COLGALT1: variants seen among roughly 807,000 people sequenced by gnomAD.
COLGALT1 encodes collagen beta(1-O)galactosyltransferase 1.
A neutral mutation model predicts 60.8 loss-of-function variants in COLGALT1; 43 were observed. That is an observed-to-expected ratio of 0.71 (90% CI 0.55 to 0.91). COLGALT1 has a LOEUF of 0.91. COLGALT1 is among the 40% of genes least tolerant of loss of function. The pLI is 0.00. For synonymous variants in COLGALT1, 369 were observed against 374.2 expected, an observed-to-expected ratio of 0.99 and a Z score of 0.16; for missense variants, 845 against 880.0, an observed-to-expected ratio of 0.96 and a Z score of 0.50.
chr19:17,568,614 A>C lies in COLGALT1; in HGVS notation c.730A>C (p.Lys244Gln). 6.2e-7 allele frequency: 1 copy of C among 1,614,164 alleles called. No homozygotes were observed. The highest frequency in any genetic ancestry group is 8.5e-7 in the Non-Finnish European group (1 of 1,180,024). ...VHSTFLIDLR[K>Q]AASRNLAFYP... is the part of the protein sequence containing the mutation. Reference sequence around the variant, plus strand: ...CTCGACCTTCCTGATCGACCTGCGGAAGGCGGCGTCCAGGAACCTGGCCTT... The same window carrying C: ...CTCGACCTTCCTGATCGACCTGCGGCAGGCGGCGTCCAGGAACCTGGCCTT... The change falls in exon 5 of 12, where the codon AAG becomes CAG. Residue 244 changes from lysine to glutamine, a missense_variant. Transcript: ENST00000252599.
chr19:17,580,230 C>G lies in COLGALT1; in HGVS notation c.1395-469C>G. 1.4e-5 allele frequency: 3 copies of G among 213,446 alleles called. No individual in the cohort carries two copies. In the Admixed American group the frequency reaches 1.6e-4, roughly 11 times the overall value. 13.2% of individuals were successfully genotyped at this position (213,446 alleles called of 1,614,324 possible). ...AACATGTTTCCAGCACTGGAGCCGT[C>G]CTTCTCTTCTGTAAGTGGGCTGGTT... On this transcript the variant is annotated intron_variant, in intron 10 of 11. Transcript: ENST00000252599.
At chr19:17,579,854 A>G in intron 10 of COLGALT1, 1 of 531,150 alleles carries the variant, frequency 1.9e-6, no homozygotes, top group Admixed American at 3.1e-5. Flanking sequence ...TAGAGCCTGT[A>G]TGTCTGGGTG....
At chr19:17,558,480 G>C (rs62119890) in intron 1 of COLGALT1, among the ~76,000 whole-genome samples, 50,477 of 146,782 alleles carry the variant, frequency 0.34, 9,512 homozygotes, top group Non-Finnish European at 0.42. Context: ...GAGTTCGAGA[G>C]CAGCCTGGCC....
intron 3 of COLGALT1, among the ~76,000 whole-genome samples, chr19:17,562,470 C>G (rs2076254858): frequency 6.6e-6 from 1 of 152,090 alleles, no homozygotes; most frequent in South Asian, 2.1e-4. Flanking sequence ...TGAGACCAGC[C>G]TGGTCAACAT....
intron 10 of COLGALT1, chr19:17,579,893 TTGGAAGCG>T (rs2144849686): frequency 2.4e-6 from 1 of 424,668 alleles, no homozygotes; most frequent in South Asian, 3.6e-5. Flanking sequence ...TGGCCAACCC[TTGGAAGCG>T]TAGCAGGAGG....
In COLGALT1 at chr19:17,568,693, C is replaced by A. The variant is rs374143153; in HGVS notation, c.809C>A (p.Ala270Asp). ...TWSFDDIIVFAFSCKQAEVQM... is the reference protein window; with the variant it reads ...TWSFDDIIVFDFSCKQAEVQM... The stretch of plus-strand genomic sequence containing the variant: ...TCCTTTGACGACATCATCGTCTTTG[C>A]CTTCTCCTGCAAGCAGGCAGGTACG... Residue 270 changes from alanine (A) to aspartate (D), a missense_variant, in exon 5 of 12, where the codon GCC becomes GAC. Coordinates refer to ENST00000252599, the MANE Select transcript of COLGALT1 (RefSeq NM_024656.4). 1 of 1,614,048 alleles carries A rather than the reference C, an allele frequency of 6.2e-7. No individual in the cohort carries two copies. Among genetic ancestry groups the A allele is most frequent in the Admixed American group, 1.7e-5 (1 of 59,980 alleles).
chr19:17,565,854 G>T (rs752866237), intron 3 of COLGALT1, among the ~76,000 whole-genome samples: 1 of 152,172 alleles, frequency 6.6e-6, no homozygotes, highest in Non-Finnish European at 1.5e-5. Flanking sequence ...AACATCCAGA[G>T]GGACCGGATG....
At chr19:17,562,196 A>C (rs1184731796) in intron 3 of COLGALT1, among the ~76,000 whole-genome samples, 2 of 152,200 alleles carry the variant, frequency 1.3e-5, no homozygotes, top group Non-Finnish European at 2.9e-5. Context: ...AACAAACAAA[A>C]AGCAGAAAAG....
At position 17,581,575 on chromosome 19, in the gene COLGALT1, G is replaced by A. The variant is rs1216149974; in HGVS notation, c.*131G>A. ...TCTCGTGTGGGGTGGTGTCCAGCCA[G>A]CTCTTGCTAAGCAATCACGTGCACA... On this transcript the variant is annotated 3_prime_UTR_variant, in exon 12 of 12. Transcript: ENST00000252599. 1.5e-5 allele frequency: 19 copies of A among 1,234,914 alleles called. No homozygotes were observed. Among genetic ancestry groups the A allele is most frequent in the Admixed American group, 2.8e-5 (1 of 36,220 alleles). 76.5% of individuals were successfully genotyped at this position (1,234,914 alleles called of 1,614,324 possible).
rs935429759 is a variant in COLGALT1 at position 17,582,704 on chromosome 19, G to A, written c.*1260G>A. 6 of 152,202 alleles carry A rather than the reference G, an allele frequency of 3.9e-5. No individual in the cohort carries two copies. Among genetic ancestry groups the A allele is most frequent in the Non-Finnish European group, 7.3e-5 (5 of 68,054 alleles). The allele number at this position is 152,202 out of a possible 1,614,324, so 9.4% of individuals were successfully genotyped here. ...TGAGTTTGATTCTTCCTGTACCCTC[G>A]GTCGTCTGAGCTGTGTGCAGACAAC... is the stretch of plus-strand genomic sequence containing the variant. On this transcript the variant is annotated 3_prime_UTR_variant, in exon 12 of 12. Coordinates refer to ENST00000252599, the MANE Select transcript of COLGALT1 (RefSeq NM_024656.4).
At chr19:17,561,554 T>C (rs946849187) in intron 3 of COLGALT1, among the ~76,000 whole-genome samples, 1 of 148,730 alleles carries the variant, frequency 6.7e-6, no homozygotes, top group Non-Finnish European at 1.5e-5. Context: ...AGGGAACAGT[T>C]GAGTCTTTTT....
At chr19:17,571,421 A>T (rs117260955) in intron 5 of COLGALT1, among the ~76,000 whole-genome samples, 1,660 of 149,932 alleles carry the variant, frequency 0.011, 13 homozygotes, top group South Asian at 0.019. Flanking sequence ...AAAAATAAAT[A>T]AATTAAATTA....
Position 17,569,891 on chromosome 19 carries a change from C to CTTTTTTTTTTTTT in COLGALT1, c.829+1187_829+1199dup, listed in dbSNP as rs71162156. The stretch of plus-strand genomic sequence containing the variant: ...CAGGCCAAACCTGGCCCACTAATTA[C>CTTTTTTTTTTTTT]TTTTTTTTTTTTTTTTTTTTTGAGA... On this transcript the variant is annotated intron_variant, in intron 5 of 11. Coordinates refer to ENST00000252599, the MANE Select transcript of COLGALT1 (RefSeq NM_024656.4). 9.1e-5 allele frequency among the ~76,000 whole-genome samples: 9 copies of CTTTTTTTTTTTTT among 98,740 alleles called. 1 individual carries two copies. Among genetic ancestry groups the CTTTTTTTTTTTTT allele is most frequent in the Admixed American group, 2.9e-4 (2 of 6,828 alleles). The allele number at this position is 98,740 out of a possible 152,430, so 64.8% of individuals were successfully genotyped here.
At position 17,577,350 on chromosome 19, in the gene COLGALT1, C is replaced by T. The variant is rs773849854; in HGVS notation, c.1027-11C>T. On this transcript the variant is annotated splice_polypyrimidine_tract_variant and intron_variant, in intron 7 of 11. Transcript: ENST00000252599. Reference sequence around the variant, plus strand: ...AGGGGCTGATCTGGCTGGGGACTCTCCGGGCTGCAGGTCTTCATGATCAAC... The same window carrying T: ...AGGGGCTGATCTGGCTGGGGACTCTTCGGGCTGCAGGTCTTCATGATCAAC... The T allele has an allele frequency of 2.5e-6, 4 of 1,603,876 alleles. No individual in the cohort carries two copies. The highest frequency in any genetic ancestry group is 2.7e-5 in the African/African-American group (2 of 74,776).
At chr19:17,571,586 C>T (rs866950986) in intron 5 of COLGALT1, among the ~76,000 whole-genome samples, 1 of 146,450 alleles carries the variant, frequency 6.8e-6, no homozygotes, top group Non-Finnish European at 1.5e-5. Flanking sequence ...GGTGTGGTGG[C>T]GGGTGCCTGT....
chr19:17,559,904 C>T (rs2076238201), intron 2 of COLGALT1, among the ~76,000 whole-genome samples: 1 of 152,202 alleles, frequency 6.6e-6, no homozygotes, highest in South Asian at 2.1e-4. Flanking sequence ...CCTCCCGCCT[C>T]AGCCTCCTGA....
intron 5 of COLGALT1, among the ~76,000 whole-genome samples, chr19:17,571,142 G>A (rs918583531): frequency 6.6e-6 from 1 of 152,128 alleles, no homozygotes; most frequent in Admixed American, 6.5e-5. Flanking sequence ...AAGAGGCCGG[G>A]TGTAGTGGCT....
chr19:17,562,849 G>A (rs555307382), intron 3 of COLGALT1, among the ~76,000 whole-genome samples: 30 of 152,236 alleles, frequency 2.0e-4, no homozygotes, highest in Non-Finnish European at 4.0e-4. Flanking sequence ...AGAGAGGAAC[G>A]GGGACAGTGC....
Position 17,555,964 on chromosome 19 carries a change from C to T in COLGALT1, c.251C>T (p.Thr84Met), listed in dbSNP as rs990071220. The change falls in exon 1 of 12, where the codon ACG becomes ATG. Residue 84 changes from threonine to methionine, a missense_variant. Physicochemically the swap from Thr to Met is moderately conservative, Grantham distance 81 (BLOSUM62 -1). Transcript: ENST00000252599. The part of the protein sequence containing the change: ...LERLRHPRER[T>M]ALWVATDHNM... Reference sequence around the variant, plus strand: ...CGGCTGCGGCACCCGCGGGAGCGCACGGCGCTATGGTGAGTCGAGCCCGCT... The same window carrying T: ...CGGCTGCGGCACCCGCGGGAGCGCATGGCGCTATGGTGAGTCGAGCCCGCT... 56 of 1,377,028 alleles carry T rather than the reference C, an allele frequency of 4.1e-5. No homozygotes were observed. The highest frequency in any genetic ancestry group is 3.8e-5 in the Non-Finnish European group (40 of 1,065,126). The allele number at this position is 1,377,028 out of a possible 1,614,324, so 85.3% of individuals were successfully genotyped here.
Sources: gnomAD v4.1 joint callset for allele counts (sites outside exome capture counted in the v4.1 genomes callset) on GRCh38, gnomAD v4.1.1 for gene constraint, MANE v1.5 for transcripts, NCBI Gene and HGNC (gene_info 2026-07-23, HGNC 2026-07-21) for gene names.